Variants in CREB3L2 observed in about 807,000 individuals in gnomAD.
CREB3L2 encodes cAMP responsive element binding protein 3 like 2.
In CREB3L2, 23 loss-of-function variants were observed where a neutral mutation model predicts 57.2. That is an observed-to-expected ratio of 0.40 (90% confidence interval 0.29 to 0.57). The LOEUF (loss-of-function observed/expected upper bound fraction) is 0.57. Ranked by LOEUF, CREB3L2 falls within the 20% of genes least tolerant of loss-of-function variation. CREB3L2 has a pLI of 0.42. For missense variants in CREB3L2, 628 were observed against 634.7 expected, an observed-to-expected ratio of 0.99 and a Z score of 0.11; for synonymous variants, 268 against 265.1, an observed-to-expected ratio of 1.01 and a Z score of -0.11.
intron 1 of CREB3L2, among the ~76,000 whole-genome samples, chr7:137,947,820 T>TCA (rs1801023203): frequency 1.3e-5 from 2 of 152,334 alleles, no homozygotes; most frequent in South Asian, 4.1e-4. Context: ...TGAAGACCAG[T>TCA]CACAGCCTGG....
At chr7:137,995,401 C>T (rs1403422153) in intron 1 of CREB3L2, among the ~76,000 whole-genome samples, 2 of 118,174 alleles carry the variant, frequency 1.7e-5, no homozygotes, top group Non-Finnish European at 3.2e-5. Context: ...GTGGCATGAT[C>T]TTGGCTCACT....
chr7:137,945,716 C>T (rs905959673), intron 1 of CREB3L2, among the ~76,000 whole-genome samples: 1 of 152,156 alleles, frequency 6.6e-6, no homozygotes, highest in African/African-American at 2.4e-5. Context: ...CTTTCACCAA[C>T]AAGTATGGTT....
chr7:137,971,642 A>C (rs1033426503), intron 1 of CREB3L2, among the ~76,000 whole-genome samples: 1 of 151,198 alleles, frequency 6.6e-6, no homozygotes, highest in African/African-American at 2.4e-5. Context: ...CCTTATCATA[A>C]GTTCTTACCT....
intron 2 of CREB3L2, among the ~76,000 whole-genome samples, chr7:137,922,384 GTATATATATA>G (rs1175503933): frequency 7.1e-4 from 14 of 19,596 alleles, no homozygotes; most frequent in Non-Finnish European, 1.0e-3. Flanking sequence ...ATATATATAT[GTATATATATA>G]TATATATATA....
chr7:137,915,765 C>T (rs574537005), intron 3 of CREB3L2, 72 bp downstream of exon 3: 221 of 1,376,724 alleles, frequency 1.6e-4, no homozygotes, highest in Non-Finnish European at 2.2e-4. Context: ...AGATTAAACA[C>T]CTTATTGGAG....
intron 1 of CREB3L2, among the ~76,000 whole-genome samples, chr7:137,944,824 C>A (rs1800940378): frequency 6.6e-6 from 1 of 151,932 alleles, no homozygotes; most frequent in Non-Finnish European, 1.5e-5. Context: ...ATATCAATGT[C>A]TTTTTATCTA....
Position 137,977,845 on chromosome 7 carries a change from T to C in CREB3L2, c.102+23759A>G, listed in dbSNP as rs374421888. 1.1e-4 allele frequency among the ~76,000 whole-genome samples: 16 copies of C among 151,182 alleles called. No individual in the cohort carries two copies. In the East Asian group the frequency reaches 2.7e-3, roughly 26 times the overall value. On this transcript the variant is annotated intron_variant, in intron 1 of 11. Coordinates refer to ENST00000330387, the MANE Select transcript of CREB3L2 (RefSeq NM_194071.4). ...CTGAGGCATGAGAACTGCTTGAACC[T>C]GGGAGGTGGAGGTTGCAGTGAACCG...
Position 137,905,865 on chromosome 7 carries a change from G to A in CREB3L2, c.769-17C>T, listed in dbSNP as rs1799880988. 6.3e-7 allele frequency: 1 copy of A among 1,580,778 alleles called. No individual in the cohort carries two copies. Among genetic ancestry groups the A allele is most frequent in the South Asian group, 1.2e-5 (1 of 85,650 alleles). ...CTGCAGTTTCTGTGCAGACCAAGGA[G>A]CAGAAAAGGGTCAAAGAAAAAGAAC... is the stretch of plus-strand genomic sequence containing the variant. On this transcript the variant is annotated splice_polypyrimidine_tract_variant and intron_variant, in intron 5 of 11. Coordinates refer to ENST00000330387, the MANE Select transcript of CREB3L2 (RefSeq NM_194071.4).
At position 137,946,806 on chromosome 7, in the gene CREB3L2, A is replaced by ATATATAGTTATC. The variant is rs1295261745; in HGVS notation, c.103-18452_103-18441dup. ...GTTATCTATATAGTTATATATAGTT[A>ATATATAGTTATC]TATATAGTTATCTATATAGTTATCT... On this transcript the variant is annotated intron_variant, in intron 1 of 11. Transcript: ENST00000330387. Among the ~76,000 whole-genome samples, 2 of 70,684 alleles carry ATATATAGTTATC rather than the reference A, an allele frequency of 2.8e-5. 1 individual carries two copies. Among genetic ancestry groups the ATATATAGTTATC allele is most frequent in the African/African-American group, 1.2e-4 (2 of 16,836 alleles). 46.4% of individuals were successfully genotyped at this position (70,684 alleles called of 152,430 possible). A position where few individuals can be genotyped will look rare whatever the true frequency, so the allele number is the denominator to read the frequency against.
chr7:137,905,877 C>G, intron 5 of CREB3L2, 29 bp from the exon 6 acceptor site: 1 of 1,562,838 alleles, frequency 6.4e-7, no homozygotes, highest in East Asian at 2.3e-5. Context: ...AGAAAAGGGT[C>G]AAAGAAAAAG....
At chr7:137,990,491 A>G (rs1333889007) in intron 1 of CREB3L2, among the ~76,000 whole-genome samples, 2 of 152,236 alleles carry the variant, frequency 1.3e-5, no homozygotes, top group African/African-American at 2.4e-5. Flanking sequence ...CCACAGGTCA[A>G]GAATGTTTAT....
chr7:137,963,893 GAAGA>G (rs1309192760), intron 1 of CREB3L2, among the ~76,000 whole-genome samples: 5 of 151,966 alleles, frequency 3.3e-5, no homozygotes. Context: ...CATATCTGTT[GAAGA>G]AAGAAAGAAA....
At chr7:137,904,213 C>A (rs1414113403) in intron 6 of CREB3L2, among the ~76,000 whole-genome samples, 196 bp from the exon 7 acceptor site, 1 of 152,174 alleles carries the variant, frequency 6.6e-6, no homozygotes, top group East Asian at 1.9e-4. Flanking sequence ...ACCTACTTTC[C>A]TACAAACCAG....
rs10534110 is a variant in CREB3L2, at chr7:137,876,331, C to CGTGTGTGTGTGT, written c.*4133_*4144dup. The CGTGTGTGTGTGT allele has an allele frequency of 6.7e-5, 15 of 223,176 alleles. No homozygotes were observed. Among genetic ancestry groups the CGTGTGTGTGTGT allele is most frequent in the African/African-American group, 3.4e-4 (15 of 43,518 alleles). The allele number at this position is 223,176 out of a possible 1,614,324, so 13.8% of individuals were successfully genotyped here. A position where few individuals can be genotyped will look rare whatever the true frequency, so the allele number is the denominator to read the frequency against. ...TGAGCATGTAAGGGAGGAATGTGCA[C>CGTGTGTGTGTGT]GTGTGTGTGTGTGTGTGTGTGTGTG... On this transcript the variant is annotated 3_prime_UTR_variant, in exon 12 of 12. Coordinates refer to ENST00000330387, the MANE Select transcript of CREB3L2 (RefSeq NM_194071.4).
At chr7:137,977,860 G>T (rs1337179704) in intron 1 of CREB3L2, among the ~76,000 whole-genome samples, 2 of 151,774 alleles carry the variant, frequency 1.3e-5, no homozygotes, top group Non-Finnish European at 2.9e-5. Flanking sequence ...GGTGGAGGTT[G>T]CAGTGAACCG....
At chr7:137,907,109 A>G (rs757507716) in intron 5 of CREB3L2, among the ~76,000 whole-genome samples, 6 of 152,238 alleles carry the variant, frequency 3.9e-5, no homozygotes, top group Non-Finnish European at 7.3e-5. Flanking sequence ...GATGATTTAC[A>G]TAAGAGAGAG....
At chr7:137,892,423 A>G (rs1049606799) in intron 8 of CREB3L2, among the ~76,000 whole-genome samples, 9 of 151,762 alleles carry the variant, frequency 5.9e-5, no homozygotes, top group African/African-American at 2.2e-4. Context: ...GGCTGAGGTG[A>G]GCGGATCACT....
rs114566528 is a variant in CREB3L2 at position 137,953,857 on chromosome 7, G to A, written c.103-25491C>T. ...ACGGTCAAACAAAGATCTGCAGAAG[G>A]GAAAGGCATCATCATGGGTTTTTCA... On this transcript the variant is annotated intron_variant, in intron 1 of 11. Transcript: ENST00000330387. Among the ~76,000 whole-genome samples, 726 of 152,320 alleles carry A rather than the reference G, an allele frequency of 4.8e-3. 7 individuals carry two copies. The highest frequency in any genetic ancestry group is 0.016 in the African/African-American group (679 of 41,574).
intron 1 of CREB3L2, among the ~76,000 whole-genome samples, chr7:137,985,537 C>A (rs1474513339): frequency 1.3e-5 from 2 of 152,180 alleles, no homozygotes; most frequent in Admixed American, 1.3e-4. Flanking sequence ...GTCCCCTACT[C>A]ACCTTCCTGC....
Sources: allele counts gnomAD v4.1 joint callset (sites outside exome capture counted in the v4.1 genomes callset), GRCh38; gene constraint gnomAD v4.1.1; transcripts MANE v1.5; gene names NCBI Gene and HGNC (gene_info 2026-07-23, HGNC 2026-07-21).